The following MAP3K5 variants were observed in gnomAD, a reference collection of about 807,000 sequenced individuals.
MAP3K5 encodes mitogen-activated protein kinase kinase kinase 5.
In MAP3K5, 56 loss-of-function variants were observed where a neutral mutation model predicts 158.7. The observed-to-expected ratio is 0.35, with a 90% confidence interval of 0.28 to 0.44. MAP3K5 has a LOEUF of 0.44. Among genes scored for constraint, MAP3K5 ranks in the 20% least tolerant of loss-of-function variants. The probability of loss-of-function intolerance (pLI) is 1.00; values close to 1 mark genes in which losing one functional copy is unlikely to be tolerated. For synonymous variants in MAP3K5, 579 were observed against 601.7 expected, an observed-to-expected ratio of 0.96 and a Z score of 0.55; for missense variants, 1,294 against 1,674.8, an observed-to-expected ratio of 0.77 and a Z score of 3.97.
At chr6:136,696,759 T>C (rs1780616008) in intron 5 of MAP3K5, among the ~76,000 whole-genome samples, 2 of 152,240 alleles carry the variant, frequency 1.3e-5, no homozygotes, top group Admixed American at 6.5e-5. Flanking sequence ...TAAAGTTATT[T>C]CTGTAGGTAA....
At chr6:136,780,540 T>C (rs1461576055) in intron 1 of MAP3K5, among the ~76,000 whole-genome samples, 2 of 152,210 alleles carry the variant, frequency 1.3e-5, no homozygotes, top group Middle Eastern at 3.2e-3. Flanking sequence ...AGTTGTTATT[T>C]TAGATTGTCG....
At chr6:136,736,938 A>G (rs1201424007) in intron 1 of MAP3K5, among the ~76,000 whole-genome samples, 1 of 151,608 alleles carries the variant, frequency 6.6e-6, no homozygotes, top group African/African-American at 2.4e-5. Context: ...TCAGCCTCCC[A>G]AAGTGTTGGG....
Position 136,562,483 on chromosome 6 carries a change from T to C in MAP3K5, c.3874+20A>G, listed in dbSNP as rs372614565. 2.7e-4 allele frequency: 366 copies of C among 1,359,566 alleles called. No individual in the cohort carries two copies. The highest frequency in any genetic ancestry group is 3.1e-4 in the Non-Finnish European group (300 of 981,622). The allele number at this position is 1,359,566 out of a possible 1,614,324, so 84.2% of individuals were successfully genotyped here. A position where few individuals can be genotyped will look rare whatever the true frequency, so the allele number is the denominator to read the frequency against. On this transcript the variant is annotated intron_variant, in intron 27 of 29. Coordinates refer to ENST00000359015, the MANE Select transcript of MAP3K5 (RefSeq NM_005923.4). Reference sequence around the variant, plus strand: ...GCAGCCTGGCTGAACAGTATTACTATAAAACTTTCTGCTATTCACCTATGG... The same window carrying C: ...GCAGCCTGGCTGAACAGTATTACTACAAAACTTTCTGCTATTCACCTATGG...
rs751233780 is a variant in MAP3K5 at position 136,766,621 on chromosome 6, C to T, written c.448+25089G>A. On this transcript the variant is annotated intron_variant, in intron 1 of 29. Transcript: ENST00000359015. ...AGAGGTCATTAAAGGATTTACACAG[C>T]AAAGAGCATGTCAGTGTGATCTCCA... Among the ~76,000 whole-genome samples, 6 of 152,204 alleles carry T rather than the reference C, an allele frequency of 3.9e-5. No homozygotes were observed. In the South Asian group the frequency reaches 1.2e-3, roughly 32 times the overall value.
intron 2 of MAP3K5, among the ~76,000 whole-genome samples, chr6:136,710,760 C>T (rs1291931424): frequency 2.0e-5 from 3 of 152,148 alleles, no homozygotes; most frequent in Non-Finnish European, 4.4e-5. Flanking sequence ...GAGAAAGGAG[C>T]AGGCTTGGAG....
chr6:136,664,885 C>T (rs1010098436), intron 8 of MAP3K5, among the ~76,000 whole-genome samples: 26 of 152,248 alleles, frequency 1.7e-4, no homozygotes, highest in African/African-American at 5.8e-4. Context: ...GAGCCAAGAT[C>T]GCACCACTGC....
At position 136,663,398 on chromosome 6, in the gene MAP3K5, T is replaced by C. The variant is rs1457978163; in HGVS notation, c.1367-4020A>G. On this transcript the variant is annotated intron_variant, in intron 8 of 29. Coordinates refer to ENST00000359015, the MANE Select transcript of MAP3K5 (RefSeq NM_005923.4). ...GACATCATGACATTCCGCTCTGAAA[T>C]ATTACAGCATATACCTAAAATATCT... Among the ~76,000 whole-genome samples, 3 of 152,340 alleles carry C rather than the reference T, an allele frequency of 2.0e-5. No individual in the cohort carries two copies. The East Asian group carries it at 5.8e-4, about 29-fold the overall frequency.
chr6:136,791,224 C>G (rs1161531474), intron 1 of MAP3K5, among the ~76,000 whole-genome samples: 1 of 152,134 alleles, frequency 6.6e-6, no homozygotes, highest in Non-Finnish European at 1.5e-5. Flanking sequence ...GGAAGATCAT[C>G]ACATGGCATG....
chr6:136,706,815 T>G (rs1314403785), intron 2 of MAP3K5, among the ~76,000 whole-genome samples: 1 of 152,144 alleles, frequency 6.6e-6, no homozygotes, highest in Non-Finnish European at 1.5e-5. Flanking sequence ...AGGAAAGAAT[T>G]GCACTGGGTA....
At chr6:136,588,224 G>A (rs752804165) in intron 23 of MAP3K5, among the ~76,000 whole-genome samples, 10 of 151,970 alleles carry the variant, frequency 6.6e-5, no homozygotes, top group Non-Finnish European at 8.8e-5. Context: ...TGTCACCATC[G>A]GGCCTACCAG....
At position 136,706,073 on chromosome 6, in the gene MAP3K5, C is replaced by T. The variant is rs540617995; in HGVS notation, c.589-940G>A. The stretch of plus-strand genomic sequence containing the variant: ...ATGAGCTCGAGACCAGCCTGGCCAA[C>T]ATGGTGAAACTCCATCTCTACTAAC... On this transcript the variant is annotated intron_variant, in intron 2 of 29. Coordinates refer to ENST00000359015, the MANE Select transcript of MAP3K5 (RefSeq NM_005923.4). Among the ~76,000 whole-genome samples, 6 of 152,248 alleles carry T rather than the reference C, an allele frequency of 3.9e-5. No individual in the cohort carries two copies. The South Asian group carries it at 6.2e-4, about 16-fold the overall frequency.
intron 1 of MAP3K5, among the ~76,000 whole-genome samples, chr6:136,772,960 T>C (rs530393351): frequency 1.3e-5 from 2 of 152,244 alleles, no homozygotes; most frequent in East Asian, 3.9e-4. Context: ...TAAATTGGGT[T>C]CAAGCCAGTC....
intron 8 of MAP3K5, among the ~76,000 whole-genome samples, chr6:136,668,995 G>A (rs1207171446): frequency 1.3e-5 from 2 of 152,114 alleles, no homozygotes; most frequent in East Asian, 3.8e-4. Context: ...TAGGAGTTGG[G>A]GGTTGAATGC....
intron 7 of MAP3K5, among the ~76,000 whole-genome samples, chr6:136,689,136 C>CA (rs1780279040): frequency 6.6e-6 from 1 of 151,766 alleles, no homozygotes; most frequent in African/African-American, 2.4e-5. Context: ...CGCATCTCTG[C>CA]AAAAAATTCA....
intron 25 of MAP3K5, among the ~76,000 whole-genome samples, chr6:136,574,917 C>T (rs1464323234): frequency 6.6e-6 from 1 of 151,758 alleles, no homozygotes; most frequent in African/African-American, 2.4e-5. Context: ...TCTTGATCTC[C>T]TGACCTCGTG....
At chr6:136,784,426 G>A (rs968374968) in intron 1 of MAP3K5, among the ~76,000 whole-genome samples, 2 of 152,214 alleles carry the variant, frequency 1.3e-5, no homozygotes, top group African/African-American at 2.4e-5. Context: ...AGAAGCAGCA[G>A]TGCTGTCAGT....
intron 25 of MAP3K5, among the ~76,000 whole-genome samples, chr6:136,578,135 C>G (rs1355571449): frequency 1.3e-5 from 2 of 152,104 alleles, no homozygotes; most frequent in African/African-American, 4.8e-5. Flanking sequence ...GAATATCTAA[C>G]CTCTCTATAG....
chr6:136,702,254 C>T (rs950710982), intron 3 of MAP3K5, among the ~76,000 whole-genome samples: 2 of 151,826 alleles, frequency 1.3e-5, no homozygotes, highest in Non-Finnish European at 2.9e-5. Context: ...CACATGGATA[C>T]AACTGGGCCT....
At chr6:136,663,167 G>C (rs965060500) in intron 8 of MAP3K5, among the ~76,000 whole-genome samples, 1 of 3,606 alleles carries the variant, frequency 2.8e-4, no homozygotes, top group African/African-American at 3.1e-3. Flanking sequence ...GAAAAATAAA[G>C]CCCAGAGAGG....
Sources: allele counts gnomAD v4.1 joint callset (sites outside exome capture counted in the v4.1 genomes callset), GRCh38; gene constraint gnomAD v4.1.1; transcripts MANE v1.5; gene names NCBI Gene and HGNC (gene_info 2026-07-23, HGNC 2026-07-21).